The following PLCB4 variants were observed in gnomAD, a reference collection of about 807,000 sequenced individuals.
The protein encoded by PLCB4 is phospholipase C beta 4, also known as 1-phosphatidylinositol 4,5-bisphosphate phosphodiesterase beta-4.
PLCB4 carries 77 observed loss-of-function variants against 178.8 expected under a neutral mutation model. The observed-to-expected ratio is 0.43, with a 90% confidence interval of 0.36 to 0.52. The LOEUF (loss-of-function observed/expected upper bound fraction) is 0.52, where lower values mean the gene tolerates loss of function less well. Among genes scored for constraint, PLCB4 ranks in the 20% least tolerant of loss-of-function variants. The pLI, the probability that PLCB4 is intolerant of heterozygous loss-of-function variation, is 0.00. For missense variants in PLCB4, 1,024 were observed against 1,453.4 expected (o/e 0.70, Z 4.80); for synonymous variants, 496 against 490.8 (o/e 1.01, Z -0.14).
intron 2 of PLCB4, among the ~76,000 whole-genome samples, chr20:9,153,049 A>C (rs768893072): frequency 6.6e-6 from 1 of 152,034 alleles, no homozygotes; most frequent in African/African-American, 2.4e-5. Context: ...AATGCCTCCT[A>C]TTTGGAACAG....
At chr20:9,403,190 G>A (rs1162835487) in intron 20 of PLCB4, among the ~76,000 whole-genome samples, 2 of 152,104 alleles carry the variant, frequency 1.3e-5, no homozygotes, top group East Asian at 1.9e-4. Context: ...GATCACTGGC[G>A]TCATTATCAC....
chr20:9,083,435 A>C (rs775883283), intron 1 of PLCB4, among the ~76,000 whole-genome samples: 1 of 152,260 alleles, frequency 6.6e-6, no homozygotes, highest in East Asian at 1.9e-4. Flanking sequence ...GGGATACATA[A>C]GAAATGGAGC....
At chr20:9,080,675 G>A (rs1231610953) in intron 1 of PLCB4, among the ~76,000 whole-genome samples, 1 of 152,110 alleles carries the variant, frequency 6.6e-6, no homozygotes, top group Non-Finnish European at 1.5e-5. Flanking sequence ...TGTTCACTCT[G>A]TAAACTCTTT....
chr20:9,256,394 G>GA (rs766251525), intron 3 of PLCB4, among the ~76,000 whole-genome samples: 5 of 152,218 alleles, frequency 3.3e-5, no homozygotes, highest in Admixed American at 2.6e-4. Context: ...CCAGCAAGGA[G>GA]AAAAAAAGAA....
chr20:9,078,096 T>C (rs1163764637), intron 1 of PLCB4, among the ~76,000 whole-genome samples: 2 of 151,988 alleles, frequency 1.3e-5, no homozygotes, highest in Admixed American at 6.6e-5. Flanking sequence ...TTTTCCTGCC[T>C]CAGACTCTCG....
chr20:9,084,507 A>AT (rs35866315), intron 1 of PLCB4, among the ~76,000 whole-genome samples: 28 of 110,662 alleles, frequency 2.5e-4, no homozygotes, highest in South Asian at 8.3e-4. Flanking sequence ...TCTCTTTGTA[A>AT]TTTTTTTTTT....
intron 2 of PLCB4, among the ~76,000 whole-genome samples, chr20:9,173,155 G>A (rs2093092676): frequency 6.6e-6 from 1 of 152,210 alleles, no homozygotes; most frequent in South Asian, 2.1e-4. Context: ...GGTCTGGGGT[G>A]TAGCGTTGAG....
intron 4 of PLCB4, 74 bp from the exon 5 acceptor site, chr20:9,337,052 C>A: frequency 1.1e-6 from 1 of 909,028 alleles, no homozygotes; most frequent in Non-Finnish European, 1.8e-6. Context: ...TGTTTAGAAG[C>A]TCAGCAATAT....
intron 2 of PLCB4, among the ~76,000 whole-genome samples, chr20:9,202,992 A>G (rs6140895): frequency 0.4 from 58,390 of 147,234 alleles, 11,741 homozygotes; most frequent in South Asian, 0.5. Context: ...GTGGGCCAGC[A>G]TATGAGGTAA....
At chr20:9,393,295 G>A (rs572098779) in intron 17 of PLCB4, among the ~76,000 whole-genome samples, 2 of 152,284 alleles carry the variant, frequency 1.3e-5, no homozygotes, top group African/African-American at 4.8e-5. Flanking sequence ...CTGGGGAGCA[G>A]GAACCCCTCC....
intron 17 of PLCB4, among the ~76,000 whole-genome samples, chr20:9,391,229 T>C (rs983242867): frequency 6.6e-6 from 1 of 152,246 alleles, no homozygotes; most frequent in Non-Finnish European, 1.5e-5. Context: ...CTGTGCTCCA[T>C]AGATAGGCTT....
chr20:9,079,611 G>A (rs1205208925), intron 1 of PLCB4, among the ~76,000 whole-genome samples: 1 of 152,206 alleles, frequency 6.6e-6, no homozygotes, highest in Non-Finnish European at 1.5e-5. Context: ...GGGAAGGCCA[G>A]TAGCAGACCC....
At chr20:9,470,413 G>A (rs2044108232) in intron 36 of PLCB4, among the ~76,000 whole-genome samples, 1 of 151,950 alleles carries the variant, frequency 6.6e-6, no homozygotes, top group African/African-American at 2.4e-5. Flanking sequence ...TTATATACAT[G>A]GAAATGACAC....
intron 2 of PLCB4, among the ~76,000 whole-genome samples, chr20:9,101,213 C>G: frequency 6.6e-6 from 1 of 152,276 alleles, no homozygotes; most frequent in Non-Finnish European, 1.5e-5. Context: ...ATGATTTGTC[C>G]TCACCAACAC....
intron 2 of PLCB4, among the ~76,000 whole-genome samples, chr20:9,210,567 C>T (rs1250024503): frequency 1.3e-5 from 2 of 152,156 alleles, no homozygotes; most frequent in Non-Finnish European, 2.9e-5. Context: ...GGGACAGATG[C>T]CTCTCAGCTG....
intron 1 of PLCB4, among the ~76,000 whole-genome samples, chr20:9,087,375 A>G (rs1373999779): frequency 6.6e-6 from 1 of 152,216 alleles, no homozygotes; most frequent in Non-Finnish European, 1.5e-5. Context: ...GGCCACACTT[A>G]GTGAGACATA....
chr20:9,459,532 A>T, intron 34 of PLCB4, 103 bp from the exon 35 acceptor site: 1 of 691,368 alleles, frequency 1.4e-6, no homozygotes, highest in Non-Finnish European at 2.4e-6. Flanking sequence ...TTCACCAATT[A>T]AGTTGGTGGG....
intron 32 of PLCB4, among the ~76,000 whole-genome samples, chr20:9,447,819 T>G (rs143867308): frequency 6.6e-6 from 1 of 152,328 alleles, no homozygotes; most frequent in African/African-American, 2.4e-5. Flanking sequence ...GCCTCTGATG[T>G]TTCTCACACT....
intron 1 of PLCB4, among the ~76,000 whole-genome samples, chr20:9,095,889 T>G (rs765427589): frequency 6.6e-6 from 1 of 151,984 alleles, no homozygotes; most frequent in Non-Finnish European, 1.5e-5. Context: ...ATTTTCCCAC[T>G]GGAAAAGCAG....
Sources: allele counts gnomAD v4.1 joint callset (sites outside exome capture counted in the v4.1 genomes callset), GRCh38; gene constraint gnomAD v4.1.1; transcripts MANE v1.5; gene names NCBI Gene and HGNC (gene_info 2026-07-23, HGNC 2026-07-21).